The following MINDY4 variants were observed in gnomAD, a reference collection of about 807,000 sequenced individuals.
MINDY4 encodes probable ubiquitin carboxyl-terminal hydrolase MINDY-4.
In MINDY4, 68 loss-of-function variants were observed where a neutral mutation model predicts 87.0. The ratio of observed to expected loss-of-function variants is 0.78; its 90% CI spans 0.64 to 0.96. The LOEUF (loss-of-function observed/expected upper bound fraction) is 0.96. MINDY4 is among the 40% of genes least tolerant of loss of function. The probability of loss-of-function intolerance (pLI) is 0.00; values close to 1 mark genes in which losing one functional copy is unlikely to be tolerated. For missense variants in MINDY4, 919 were observed against 928.2 expected (o/e 0.99, Z 0.13); for synonymous variants, 379 against 363.2 (o/e 1.04, Z -0.50).
intron 13 of MINDY4, among the ~76,000 whole-genome samples, chr7:30,863,113 G>C (rs1207678184): frequency 6.6e-6 from 1 of 152,144 alleles, no homozygotes; most frequent in Non-Finnish European, 1.5e-5. Context: ...GGGACCAGAT[G>C]ATCGCCGAGG....
intron 5 of MINDY4, among the ~76,000 whole-genome samples, chr7:30,798,018 T>C (rs896819571): frequency 1.3e-5 from 2 of 152,180 alleles, no homozygotes; most frequent in Non-Finnish European, 2.9e-5. Flanking sequence ...GGGGTGCACC[T>C]GTCTCTCTCC....
At chr7:30,823,230 A>G (rs562205883) in intron 5 of MINDY4, among the ~76,000 whole-genome samples, 1 of 152,282 alleles carries the variant, frequency 6.6e-6, no homozygotes, top group South Asian at 2.1e-4. Context: ...CCCTTTTGCA[A>G]TTAATAAGTA....
chr7:30,785,298 A>C (rs1012711566), intron 3 of MINDY4, among the ~76,000 whole-genome samples: 2 of 119,096 alleles, frequency 1.7e-5, no homozygotes, highest in South Asian at 2.7e-4. Context: ...ACACACACAC[A>C]CACCCATTGG....
At chr7:30,824,066 T>C (rs1298283261) in intron 5 of MINDY4, among the ~76,000 whole-genome samples, 1 of 152,222 alleles carries the variant, frequency 6.6e-6, no homozygotes, top group Non-Finnish European at 1.5e-5. Flanking sequence ...TGTCTTAGTC[T>C]GTTTTCTGTA....
At chr7:30,860,933 C>T (rs1789740475) in intron 13 of MINDY4, among the ~76,000 whole-genome samples, 1 of 152,134 alleles carries the variant, frequency 6.6e-6, no homozygotes, top group East Asian at 1.9e-4. Flanking sequence ...ACACCCCTGC[C>T]AACACACATA....
chr7:30,834,640 C>G (rs1413205499), intron 6 of MINDY4, among the ~76,000 whole-genome samples: 1 of 152,194 alleles, frequency 6.6e-6, no homozygotes, highest in Non-Finnish European at 1.5e-5. Context: ...ATGGGGTTTT[C>G]TTTTCTATTA....
At chr7:30,807,262 A>G (rs1428408303) in intron 5 of MINDY4, among the ~76,000 whole-genome samples, 5 of 152,128 alleles carry the variant, frequency 3.3e-5, no homozygotes, top group African/African-American at 7.2e-5. Flanking sequence ...ATGGAGGGCA[A>G]ATGATCTTAT....
At chr7:30,772,128 A>G (rs1423385802) in intron 1 of MINDY4, among the ~76,000 whole-genome samples, 1 of 151,966 alleles carries the variant, frequency 6.6e-6, no homozygotes, top group Non-Finnish European at 1.5e-5. Context: ...GAAGGTCCTT[A>G]GCTGTCATCT....
At chr7:30,858,558 A>G (rs914422384) in intron 12 of MINDY4, 2 of 152,132 alleles carry the variant, frequency 1.3e-5, no homozygotes, top group Non-Finnish European at 2.9e-5. Flanking sequence ...GGTGCCAAAA[A>G]TCTCAGAAAT....
At chr7:30,807,476 G>C (rs1387529047) in intron 5 of MINDY4, among the ~76,000 whole-genome samples, 1 of 151,942 alleles carries the variant, frequency 6.6e-6, no homozygotes, top group African/African-American at 2.4e-5. Flanking sequence ...AAGAAGAAAA[G>C]AGAAGTTGAA....
intron 12 of MINDY4, among the ~76,000 whole-genome samples, chr7:30,856,597 A>G (rs548698369): frequency 3.3e-5 from 5 of 152,040 alleles, no homozygotes; most frequent in Non-Finnish European, 7.4e-5. Flanking sequence ...GGAAGGGGAA[A>G]CAGACCACAG....
At chr7:30,797,879 T>C (rs1787538344) in intron 5 of MINDY4, among the ~76,000 whole-genome samples, 1 of 152,070 alleles carries the variant, frequency 6.6e-6, no homozygotes, top group Non-Finnish European at 1.5e-5. Flanking sequence ...TGGTGAGACA[T>C]GGGCTAGAAT....
chr7:30,808,949 G>C (rs925336264), intron 5 of MINDY4, among the ~76,000 whole-genome samples: 1 of 148,154 alleles, frequency 6.7e-6, no homozygotes, highest in African/African-American at 2.5e-5. Context: ...GAGAGAGAGA[G>C]AGAGAGAGGC....
In MINDY4 at chr7:30,882,374, A is replaced by AGCCCCCCCCCCCCCCCCCCCCCCCC; in HGVS notation, c.2152+13_2152+14insGCCCCCCCCCCCCCCCCCCCCCCCC. The stretch of plus-strand genomic sequence containing the variant: ...CGGCTGACCATTGGTGCGGGCCCTC[A>AGCCCCCCCCCCCCCCCCCCCCCCCC]CCCCCCCACCCACCCAACCCTGTCC... On this transcript the variant is annotated intron_variant, in intron 16 of 17. Coordinates refer to ENST00000265299, the MANE Select transcript of MINDY4 (RefSeq NM_032222.3). 7.0e-7 allele frequency: 1 copy of AGCCCCCCCCCCCCCCCCCCCCCCCC among 1,420,794 alleles called. No individual in the cohort carries two copies. The highest frequency in any genetic ancestry group is 9.4e-7 in the Non-Finnish European group (1 of 1,061,590). 88.0% of individuals were successfully genotyped at this position (1,420,794 alleles called of 1,614,324 possible).
rs762528967 is a variant in MINDY4 at position 30,859,152 on chromosome 7, G to T, written c.1678-105G>T. The T allele has an allele frequency of 3.5e-6, 4 of 1,130,290 alleles. No homozygotes were observed. In the African/African-American group the frequency reaches 6.1e-5, roughly 17 times the overall value. The allele number at this position is 1,130,290 out of a possible 1,614,324, so 70.0% of individuals were successfully genotyped here. On this transcript the variant is annotated intron_variant, in intron 12 of 17. Transcript: ENST00000265299. ...CCCCAGGGCTGGGCTGGAGGCAGTTGGCTCAGGGCAGGCTGCTCCCTGGGG... is the reference window on the plus strand; with the variant it reads ...CCCCAGGGCTGGGCTGGAGGCAGTTTGCTCAGGGCAGGCTGCTCCCTGGGG...
chr7:30,836,847 T>C, intron 7 of MINDY4, 83 bp downstream of exon 7: 1 of 1,010,584 alleles, frequency 9.9e-7, no homozygotes, highest in African/African-American at 1.6e-5. Flanking sequence ...TCTGCCCCAA[T>C]CCAGCTCATT....
intron 13 of MINDY4, among the ~76,000 whole-genome samples, chr7:30,863,976 C>A (rs1413879978): frequency 6.6e-6 from 1 of 152,202 alleles, no homozygotes; most frequent in African/African-American, 2.4e-5. Flanking sequence ...CAGCTCTGAA[C>A]CAGACCTGGG....
chr7:30,788,911 C>T (rs1347072864), intron 4 of MINDY4, among the ~76,000 whole-genome samples: 9 of 152,146 alleles, frequency 5.9e-5, no homozygotes, highest in African/African-American at 1.2e-4. Flanking sequence ...GGACATTCCT[C>T]GGTGAAGTCA....
chr7:30,879,549 G>T (rs1050596096), intron 15 of MINDY4, among the ~76,000 whole-genome samples: 5 of 152,156 alleles, frequency 3.3e-5, no homozygotes, highest in African/African-American at 1.2e-4. Flanking sequence ...TCCCACCTCA[G>T]CCCGCACCAC....
Sources: allele counts gnomAD v4.1 joint callset (sites outside exome capture counted in the v4.1 genomes callset), GRCh38; gene constraint gnomAD v4.1.1; transcripts MANE v1.5; gene names NCBI Gene and HGNC (gene_info 2026-07-23, HGNC 2026-07-21).